Variants in ASTN2 observed in about 807,000 individuals in gnomAD.
ASTN2 encodes the protein astrotactin 2.
A neutral mutation model predicts 139.8 loss-of-function variants in ASTN2; 54 were observed. The observed-to-expected ratio is 0.39, with a 90% CI of 0.31 to 0.48. The LOEUF (loss-of-function observed/expected upper bound fraction) is 0.48. Among genes scored for constraint, ASTN2 ranks in the 20% least tolerant of loss-of-function variants. The pLI is 0.95. For synonymous variants in ASTN2, 756 were observed against 719.5 expected (o/e 1.05, Z -0.81); for missense variants, 1,565 against 1,725.1 (o/e 0.91, Z 1.64).
At chr9:116,954,323 T>C (rs1443340944) in intron 10 of ASTN2, among the ~76,000 whole-genome samples, 2 of 152,204 alleles carry the variant, frequency 1.3e-5, no homozygotes, top group African/African-American at 4.8e-5. Context: ...TTTCTTAATA[T>C]TGAATGTGCA....
intron 4 of ASTN2, among the ~76,000 whole-genome samples, chr9:117,138,210 G>A (rs1452482404): frequency 6.6e-6 from 1 of 152,168 alleles, no homozygotes; most frequent in African/African-American, 2.4e-5. Flanking sequence ...AGTTAAAAAA[G>A]GAGGGTGACG....
At chr9:117,383,097 A>C (rs750116831) in intron 1 of ASTN2, among the ~76,000 whole-genome samples, 9 of 152,260 alleles carry the variant, frequency 5.9e-5, no homozygotes, top group Non-Finnish European at 1.2e-4. Context: ...GTGTTCAAAT[A>C]AAACTATTTT....
At chr9:117,276,994 G>A (rs1305047254) in intron 2 of ASTN2, 1 of 152,176 alleles carries the variant, frequency 6.6e-6, no homozygotes, top group African/African-American at 2.4e-5. Flanking sequence ...TGGACATGAG[G>A]GCGATCTGGC....
intron 19 of ASTN2, among the ~76,000 whole-genome samples, chr9:116,525,948 A>G (rs1851071621): frequency 6.6e-6 from 1 of 151,988 alleles, no homozygotes; most frequent in African/African-American, 2.4e-5. Context: ...GCTTTTTCCT[A>G]TGCTATTCCC....
intron 13 of ASTN2, among the ~76,000 whole-genome samples, chr9:116,803,977 C>T (rs1830965466): frequency 6.6e-6 from 1 of 151,870 alleles, no homozygotes; most frequent in Admixed American, 6.6e-5. Flanking sequence ...CGGAGCTTTT[C>T]CAGTAAAGTA....
chr9:116,745,155 G>A (rs1371056781), intron 13 of ASTN2, among the ~76,000 whole-genome samples: 1 of 152,222 alleles, frequency 6.6e-6, no homozygotes, highest in East Asian at 1.9e-4. Flanking sequence ...AGGAAAAGAA[G>A]CAGAGGCAGT....
At chr9:117,078,990 C>A (rs889212533) in intron 5 of ASTN2, among the ~76,000 whole-genome samples, 1 of 152,158 alleles carries the variant, frequency 6.6e-6, no homozygotes, top group African/African-American at 2.4e-5. Context: ...CCTGCCTCGG[C>A]CTCCCAAAGT....
chr9:116,710,408 T>TATTGAAAGA (rs969444027), intron 16 of ASTN2, among the ~76,000 whole-genome samples: 2 of 151,886 alleles, frequency 1.3e-5, no homozygotes, highest in Non-Finnish European at 2.9e-5. Context: ...TAGAGTTAAA[T>TATTGAAAGA]ATTGAAAGAA....
intron 16 of ASTN2, among the ~76,000 whole-genome samples, chr9:116,673,783 T>C (rs906924837): frequency 2.0e-5 from 3 of 152,198 alleles, no homozygotes; most frequent in Admixed American, 1.3e-4. Context: ...GAGTTTTCTA[T>C]GCTCCAAAAC....
chr9:116,846,514 C>G (rs1196802342), intron 11 of ASTN2, among the ~76,000 whole-genome samples: 3 of 152,166 alleles, frequency 2.0e-5, no homozygotes, highest in African/African-American at 7.2e-5. Flanking sequence ...GGTTTCTGAT[C>G]AAGAGCAGTG....
intron 13 of ASTN2, among the ~76,000 whole-genome samples, chr9:116,739,881 T>C (rs1039992869): frequency 6.6e-6 from 1 of 152,180 alleles, no homozygotes; most frequent in Non-Finnish European, 1.5e-5. Flanking sequence ...CATGACCACA[T>C]CTATTATGAA....
intron 3 of ASTN2, among the ~76,000 whole-genome samples, chr9:117,158,464 T>A (rs1830477262): frequency 6.6e-6 from 1 of 152,060 alleles, no homozygotes; most frequent in South Asian, 2.1e-4. Context: ...TGGTTGGATG[T>A]TCCCCTTTGC....
chr9:117,149,489 C>T (rs1459330335), intron 3 of ASTN2, among the ~76,000 whole-genome samples: 1 of 151,994 alleles, frequency 6.6e-6, no homozygotes, highest in Non-Finnish European at 1.5e-5. Flanking sequence ...CTAAAGAACT[C>T]TGACCAATGC....
intron 5 of ASTN2, among the ~76,000 whole-genome samples, chr9:117,073,606 C>A (rs1245366191): frequency 1.3e-5 from 2 of 152,170 alleles, no homozygotes; most frequent in Admixed American, 1.3e-4. Context: ...GTATCTCCAG[C>A]AATTACTGCA....
chr9:116,438,536 A>C (rs1847729517), intron 22 of ASTN2, among the ~76,000 whole-genome samples: 1 of 151,902 alleles, frequency 6.6e-6, no homozygotes, highest in Non-Finnish European at 1.5e-5. Flanking sequence ...TAGGGAAAGG[A>C]TTTTAGGTGG....
intron 10 of ASTN2, among the ~76,000 whole-genome samples, chr9:116,960,788 G>A (rs891513497): frequency 6.6e-6 from 1 of 152,076 alleles, no homozygotes; most frequent in Non-Finnish European, 1.5e-5. Flanking sequence ...GCTTACACAG[G>A]AAACCAAAAT....
chr9:116,755,431 A>C (rs576146951), intron 13 of ASTN2, among the ~76,000 whole-genome samples: 2 of 152,166 alleles, frequency 1.3e-5, no homozygotes, highest in Non-Finnish European at 2.9e-5. Flanking sequence ...AAGAAGAGGA[A>C]AACTGGACAC....
At chr9:116,552,394 TA>T (rs1311394742) in intron 19 of ASTN2, among the ~76,000 whole-genome samples, 8 of 152,186 alleles carry the variant, frequency 5.3e-5, no homozygotes, top group Non-Finnish European at 8.8e-5. Flanking sequence ...TTATTCCTAA[TA>T]AAATCTCATG....
chr9:117,052,592 T>G (rs1453642370), intron 5 of ASTN2, among the ~76,000 whole-genome samples: 1 of 152,172 alleles, frequency 6.6e-6, no homozygotes, highest in African/African-American at 2.4e-5. Flanking sequence ...AAGAGACCAC[T>G]TATAAAAACT....
Sources: allele counts gnomAD v4.1 joint callset (sites outside exome capture counted in the v4.1 genomes callset), GRCh38; gene constraint gnomAD v4.1.1; transcripts MANE v1.5; gene names NCBI Gene and HGNC (gene_info 2026-07-23, HGNC 2026-07-21).